SLX9: variants seen among roughly 807,000 people sequenced by gnomAD.
SLX9 encodes the protein SLX9 ribosome biogenesis factor.
Under a neutral mutation model 20.8 loss-of-function variants are expected in SLX9, and 19 were observed. The ratio of observed to expected loss-of-function variants is 0.91; its 90% CI spans 0.64 to 1.34. The LOEUF (loss-of-function observed/expected upper bound fraction) is 1.34, where lower values mean the gene tolerates loss of function less well. Among genes scored for constraint, SLX9 ranks in the 40% most tolerant of loss-of-function variants. SLX9 has a pLI of 0.00. For missense variants in SLX9, 299 were observed against 322.2 expected (o/e 0.93, Z 0.55); for synonymous variants, 113 against 137.1 (o/e 0.82, Z 1.23).
At chr21:44,943,951 G>A in intron 2 of SLX9, 114 bp downstream of exon 2, 1 of 1,427,450 alleles carries the variant, frequency 7.0e-7, no homozygotes, top group Non-Finnish European at 9.6e-7. Context: ...CAATGTCCTT[G>A]AGCAAGGGAT....
intron 3 of SLX9, 131 bp from the exon 4 acceptor site, chr21:44,966,903 G>C: frequency 7.6e-6 from 9 of 1,186,094 alleles, no homozygotes; most frequent in Non-Finnish European, 1.1e-5. Context: ...GGGGCGGAAT[G>C]GGGGTGACAG....
Position 44,966,224 on chromosome 21 carries a change from A to G in SLX9, c.353-810A>G, listed in dbSNP as rs796276072. 3.3e-5 allele frequency among the ~76,000 whole-genome samples: 5 copies of G among 152,120 alleles called. No individual in the cohort carries two copies. In the South Asian group the frequency reaches 6.2e-4, roughly 19 times the overall value. On this transcript the variant is annotated intron_variant, in intron 3 of 5. Coordinates refer to ENST00000291634, the MANE Select transcript of SLX9 (RefSeq NM_058190.4). Reference sequence around the variant, plus strand: ...TGAGAGGGGCGCCGCTGTCCCAGACAGCGGGATTGGAGAGGAGCTGGCTGT... The same window carrying G: ...TGAGAGGGGCGCCGCTGTCCCAGACGGCGGGATTGGAGAGGAGCTGGCTGT...
upstream of SLX9, chr21:44,939,976 G>C: frequency 1.5e-6 from 2 of 1,334,474 alleles, no homozygotes; most frequent in Non-Finnish European, 1.9e-6. Context: ...GGCAGCCGCG[G>C]CTCCTGTTTC....
rs570713414 is a variant in SLX9 at position 44,960,452 on chromosome 21, C to T, written c.352+284C>T. On this transcript the variant is annotated intron_variant, in intron 3 of 5. Coordinates refer to ENST00000291634, the MANE Select transcript of SLX9 (RefSeq NM_058190.4). ...GTGGGCACCTGCAGAGCTGGGCTGC[C>T]TCCCTTTGGAGGACGGCCTTGGGAA... Among the ~76,000 whole-genome samples, 168 of 152,374 alleles carry T rather than the reference C, an allele frequency of 1.1e-3. 1 individual carries two copies. The highest frequency in any genetic ancestry group is 3.8e-3 in the African/African-American group (158 of 41,596).
At chr21:44,942,166 A>G (rs1166602928) in intron 1 of SLX9, among the ~76,000 whole-genome samples, 1 of 152,202 alleles carries the variant, frequency 6.6e-6, no homozygotes, top group South Asian at 2.1e-4. Context: ...ACAGTGGGAA[A>G]AGCAGTCGTC....
Position 44,940,115 on chromosome 21 carries a change from G to C in SLX9, c.58G>C (p.Gly20Arg). ...GCACCAGGCTGCCGTGAGGCCGAAA[G>C]GGGAGGCCGCCCCCGGCCCCGCGCC... ...RVHQAAVRPK[G>R]EAAPGPAPPA... is the part of the protein sequence containing the mutation. Residue 20 changes from glycine to arginine, a missense_variant, in exon 1 of 6, where the codon GGG becomes CGG. Gly to Arg is a moderately radical substitution (Grantham distance 125). Coordinates refer to ENST00000291634, the MANE Select transcript of SLX9 (RefSeq NM_058190.4). 3 of 1,391,400 alleles carry C rather than the reference G, an allele frequency of 2.2e-6. No homozygotes were observed. The highest frequency in any genetic ancestry group is 2.8e-6 in the Non-Finnish European group (3 of 1,065,368). 86.2% of individuals were successfully genotyped at this position (1,391,400 alleles called of 1,614,324 possible).
chr21:44,957,243 C>T (rs2084875098), intron 2 of SLX9, among the ~76,000 whole-genome samples: 2 of 152,200 alleles, frequency 1.3e-5, no homozygotes, highest in African/African-American at 2.4e-5. Context: ...AGGGCTGAGG[C>T]GGGGTCTTCC....
In SLX9 at chr21:44,973,310, C is replaced by T. The variant is rs376832563; in HGVS notation, c.569+45C>T. 12 of 1,595,594 alleles carry T rather than the reference C, an allele frequency of 7.5e-6. No individual in the cohort carries two copies. In the African/African-American group the frequency reaches 1.3e-4, roughly 18 times the overall value. ...TCCTCAGGGGTTCAGCTCCTGAGTG[C>T]CCTCACCCTGCCCACCCTCTCCAGG... On this transcript the variant is annotated intron_variant, in intron 5 of 5. Transcript: ENST00000291634.
At chr21:44,956,857 G>A (rs1020433620) in intron 2 of SLX9, among the ~76,000 whole-genome samples, 1 of 152,232 alleles carries the variant, frequency 6.6e-6, no homozygotes, top group Non-Finnish European at 1.5e-5. Context: ...GCTGCCATGT[G>A]TGGCTTCCTC....
rs576602001 is a variant in SLX9, at chr21:44,951,955, G to A, written c.283+8118G>A. Among the ~76,000 whole-genome samples, 18 of 132,128 alleles carry A rather than the reference G, an allele frequency of 1.4e-4. No individual in the cohort carries two copies. In the East Asian group the frequency reaches 2.9e-3, roughly 21 times the overall value. 86.7% of individuals were successfully genotyped at this position (132,128 alleles called of 152,430 possible). A position where few individuals can be genotyped will look rare whatever the true frequency, so the allele number is the denominator to read the frequency against. On this transcript the variant is annotated intron_variant, in intron 2 of 5. Coordinates refer to ENST00000291634, the MANE Select transcript of SLX9 (RefSeq NM_058190.4). ...GGCTGCACCTGTGCCTGAGGATCAC[G>A]GTGACTCCACCTGGTCCCTGTCCTG...
chr21:44,956,339 A>G (rs2084857525), intron 2 of SLX9, among the ~76,000 whole-genome samples: 1 of 152,044 alleles, frequency 6.6e-6, no homozygotes, highest in Non-Finnish European at 1.5e-5. Flanking sequence ...TTTTTAATGT[A>G]TTTAATCCAT....
At chr21:44,964,928 C>G (rs2085007641) in intron 3 of SLX9, among the ~76,000 whole-genome samples, 2 of 152,140 alleles carry the variant, frequency 1.3e-5, no homozygotes, top group South Asian at 4.1e-4. Context: ...CCCAGGAGGA[C>G]CCCAGTTTAT....
chr21:44,973,376 A>G (rs1314610323), intron 5 of SLX9, 111 bp downstream of exon 5: 2 of 638,436 alleles, frequency 3.1e-6, no homozygotes, highest in Non-Finnish European at 5.2e-6. Context: ...CACCCTCTCC[A>G]GGGGTTCAGC....
At chr21:44,957,608 CT>C (rs1005261873) in intron 2 of SLX9, among the ~76,000 whole-genome samples, 2 of 152,266 alleles carry the variant, frequency 1.3e-5, no homozygotes, top group African/African-American at 4.8e-5. Flanking sequence ...GTCTTTCACC[CT>C]TTGGGCTTGT....
At chr21:44,976,551 C>T in intron 5 of SLX9, 129 bp from the exon 6 acceptor site, 1 of 1,395,578 alleles carries the variant, frequency 7.2e-7, no homozygotes, top group African/African-American at 1.4e-5. Context: ...GTTTCCGAGG[C>T]CCCAGTACTC....
In SLX9 at chr21:44,968,082, C is replaced by T. The variant is rs186186844; in HGVS notation, c.500+901C>T. 9.6e-3 allele frequency among the ~76,000 whole-genome samples: 1,461 copies of T among 152,032 alleles called. 33 individuals are homozygous for T. Among genetic ancestry groups the T allele is most frequent in the African/African-American group, 0.033 (1,369 of 41,366 alleles). On this transcript the variant is annotated intron_variant, in intron 4 of 5. Transcript: ENST00000291634. ...AGCGGGCCTGGGCCTGGGCCTGGAC[C>T]CCAGTGGGGCCCCTCCACCCCCCTG...
At chr21:44,965,132 CAT>C (rs981740810) in intron 3 of SLX9, among the ~76,000 whole-genome samples, 2 of 152,080 alleles carry the variant, frequency 1.3e-5, no homozygotes, top group Non-Finnish European at 2.9e-5. Context: ...GTTTTTAAAA[CAT>C]AAAGTTTAGA....
chr21:44,949,621 G>A (rs2084716419), intron 2 of SLX9, among the ~76,000 whole-genome samples: 2 of 152,144 alleles, frequency 1.3e-5, no homozygotes, highest in Middle Eastern at 3.2e-3. Context: ...TTGCTGCTCC[G>A]GCAGCCACTC....
intron 4 of SLX9, among the ~76,000 whole-genome samples, chr21:44,971,055 G>C (rs1051110386): frequency 6.6e-6 from 1 of 152,246 alleles, no homozygotes; most frequent in Admixed American, 6.5e-5. Flanking sequence ...ACTTGACTCC[G>C]GTGACCCCCA....
Sources: allele counts gnomAD v4.1 joint callset (sites outside exome capture counted in the v4.1 genomes callset), GRCh38; gene constraint gnomAD v4.1.1; transcripts MANE v1.5; gene names NCBI Gene and HGNC (gene_info 2026-07-23, HGNC 2026-07-21).